Variants in MRPL30 observed in about 807,000 individuals in gnomAD.
The protein encoded by MRPL30 is mitochondrial ribosomal protein L30.
Under a neutral mutation model 17.2 loss-of-function variants are expected in MRPL30, and 10 were observed. The ratio of observed to expected loss-of-function variants is 0.58; its 90% CI spans 0.36 to 0.99. The LOEUF is 0.99. Among genes scored for constraint, MRPL30 ranks in the 50% least tolerant of loss-of-function variants. The pLI is 0.01. For missense variants in MRPL30, 170 were observed against 189.8 expected (o/e 0.90, Z 0.61); for synonymous variants, 61 against 62.1 (o/e 0.98, Z 0.08).
chr2:99,183,398 G>A (rs1009345635), intron 1 of MRPL30, among the ~76,000 whole-genome samples: 3 of 152,040 alleles, frequency 2.0e-5, no homozygotes, highest in East Asian at 1.9e-4. Flanking sequence ...GTGAAACCCC[G>A]TCTCCACTAA....
chr2:99,185,722 T>C (rs561277810), intron 1 of MRPL30: 35 of 426,828 alleles, frequency 8.2e-5, no homozygotes, highest in Admixed American at 5.2e-4. Flanking sequence ...ACAAACTTTA[T>C]TGATAGCTGG....
Position 99,189,470 on chromosome 2 carries a change from C to T in MRPL30, c.132+1213C>T, listed in dbSNP as rs375051947. ...TTCCTCCATGTCTTTTTGTGGCTTG[C>T]TTGCTTATTTTTTATTGCTGAATAA... is the stretch of plus-strand genomic sequence containing the variant. On this transcript the variant is annotated intron_variant, in intron 3 of 5. Transcript: ENST00000338148. Among the ~76,000 whole-genome samples the T allele has an allele frequency of 1.2e-4, 19 of 152,158 alleles. No individual in the cohort carries two copies. In the East Asian group the frequency reaches 3.3e-3, roughly 26 times the overall value.
At chr2:99,191,295 A>G (rs2093945374) in intron 3 of MRPL30, among the ~76,000 whole-genome samples, 1 of 151,932 alleles carries the variant, frequency 6.6e-6, no homozygotes. Context: ...GTGAGCAACC[A>G]CGCCTGGCCC....
Position 99,186,224 on chromosome 2 carries a change from A to G in MRPL30, c.21A>G (p.Leu7=). The change falls in exon 2 of 6, where the codon TTA becomes TTG. Residue 7 remains leucine (L), a synonymous_variant. Coordinates refer to ENST00000338148, the MANE Select transcript of MRPL30 (RefSeq NM_145212.4). MAGILR[L]VVQWPPGRLQ... ...CACTTATGGCTGGGATTTTGCGCTT[A>G]GTAGTTCAATGGCCCCCAGGCAGAC... 1 of 1,614,152 alleles carries G rather than the reference A, an allele frequency of 6.2e-7. No homozygotes were observed. Among genetic ancestry groups the G allele is most frequent in the South Asian group, 1.1e-5 (1 of 91,086 alleles).
rs1185864581 is a variant in MRPL30, at chr2:99,198,349, A to G, written c.*2644A>G. On this transcript the variant is annotated 3_prime_UTR_variant, in exon 6 of 6. Coordinates refer to ENST00000338148, the MANE Select transcript of MRPL30 (RefSeq NM_145212.4). The stretch of plus-strand genomic sequence containing the variant: ...TTGACAGGGAAGGGATCTGCTCCCA[A>G]GCACTCTCAGGTTGTTGGCAGAATT... Among the ~76,000 whole-genome samples, 3 of 152,230 alleles carry G rather than the reference A, an allele frequency of 2.0e-5. No homozygotes were observed. The highest frequency in any genetic ancestry group is 2.9e-5 in the Non-Finnish European group (2 of 68,046).
rs375481504 is a variant in MRPL30 at position 99,199,425 on chromosome 2, A to G, written c.*3720A>G. Among the ~76,000 whole-genome samples the G allele has an allele frequency of 3.0e-4, 46 of 152,328 alleles. No individual in the cohort carries two copies. Among genetic ancestry groups the G allele is most frequent in the African/African-American group, 1.1e-3 (44 of 41,578 alleles). On this transcript the variant is annotated 3_prime_UTR_variant, in exon 6 of 6. Transcript: ENST00000338148. ...ACTGGTCACTAAAATTCTTACCTTT[A>G]TGTATTAGAATGGCAATCAATGAAC...
chr2:99,194,756 T>A lies in MRPL30; in HGVS notation c.138T>A (p.Phe46Leu). 1.3e-6 allele frequency: 2 copies of A among 1,580,268 alleles called. No homozygotes were observed. The highest frequency in any genetic ancestry group is 8.5e-7 in the Non-Finnish European group (1 of 1,170,910). ...FTRSRIPEKV[F>L]QASPEDHEKY... ...TATAATTCTTTCCTTTCTAGGTGTTTCAGGCCTCACCTGAAGATCATGAAA... is the reference window on the plus strand; with the variant it reads ...TATAATTCTTTCCTTTCTAGGTGTTACAGGCCTCACCTGAAGATCATGAAA... Residue 46 changes from phenylalanine (F) to leucine (L), a missense_variant, in exon 4 of 6, where the codon TTT becomes TTA. Coordinates refer to ENST00000338148, the MANE Select transcript of MRPL30 (RefSeq NM_145212.4).
intron 1 of MRPL30, chr2:99,185,800 C>G: frequency 2.2e-6 from 1 of 453,348 alleles, no homozygotes; most frequent in Non-Finnish European, 4.4e-6. Flanking sequence ...AGGATGTGGG[C>G]AGTCAGTTCT....
rs1448832426 is a variant in MRPL30 at position 99,194,798 on chromosome 2, A to G, written c.180A>G (p.Pro60=). ...PEDHEKYGGD[P]QNPHKLHIVT... ...ATCATGAAAAATACGGTGGGGATCC[A>G]CAGAACCCTCATAAACTGCATATTG... Residue 60 remains proline, a synonymous_variant, in exon 4 of 6, where the codon CCA becomes CCG. Transcript: ENST00000338148. 8.1e-6 allele frequency: 13 copies of G among 1,599,676 alleles called. No homozygotes were observed. The highest frequency in any genetic ancestry group is 1.0e-5 in the Non-Finnish European group (12 of 1,176,052).
Position 99,196,440 on chromosome 2 carries a change from AC to A in MRPL30, c.*736del, listed in dbSNP as rs2093955403. The A allele has an allele frequency of 6.6e-6, 1 of 152,276 alleles. No individual in the cohort carries two copies. Among genetic ancestry groups the A allele is most frequent in the Non-Finnish European group, 1.5e-5 (1 of 68,140 alleles). 9.4% of individuals were successfully genotyped at this position (152,276 alleles called of 1,614,324 possible). A position where few individuals can be genotyped will look rare whatever the true frequency, so the allele number is the denominator to read the frequency against. Reference sequence around the variant, plus strand: ...CTCAGCCTCCAGAGTAGCTAGGACTACAGGCAGTGTGCCACCACATCCAGCT... The same window carrying A: ...CTCAGCCTCCAGAGTAGCTAGGACTAAGGCAGTGTGCCACCACATCCAGCT... On this transcript the variant is annotated 3_prime_UTR_variant, in exon 6 of 6. Transcript: ENST00000338148.
At chr2:99,194,990 T>G in intron 4 of MRPL30, 93 bp downstream of exon 4, 1 of 1,363,742 alleles carries the variant, frequency 7.3e-7, no homozygotes, top group Non-Finnish European at 9.9e-7. Context: ...TTATTTATTT[T>G]GTATTACTTA....
intron 1 of MRPL30, among the ~76,000 whole-genome samples, chr2:99,185,420 C>G (rs952850849): frequency 4.6e-5 from 7 of 152,148 alleles, no homozygotes; most frequent in Admixed American, 1.3e-4. Flanking sequence ...TATTTTCTTT[C>G]TTTTCTGGGG....
chr2:99,183,929 T>C (rs1380817700), intron 1 of MRPL30, among the ~76,000 whole-genome samples: 1 of 152,230 alleles, frequency 6.6e-6, no homozygotes, highest in Non-Finnish European at 1.5e-5. Context: ...CAGACTTTCC[T>C]TGTTTTTGAT....
At chr2:99,184,086 A>G (rs72813096) in intron 1 of MRPL30, among the ~76,000 whole-genome samples, 2 of 28,356 alleles carry the variant, frequency 7.1e-5, no homozygotes, top group Admixed American at 4.0e-4. Flanking sequence ...ATTTAGGGTT[A>G]TTTATTTATT....
At chr2:99,195,273 GA>G (rs1420720978) in intron 5 of MRPL30, 84 bp downstream of exon 5, 4 of 1,341,794 alleles carry the variant, frequency 3.0e-6, no homozygotes, top group Admixed American at 2.5e-5. Context: ...TTAATGTTCT[GA>G]AAAAAACTTT....
intron 1 of MRPL30, chr2:99,185,925 T>C: frequency 8.3e-6 from 4 of 479,050 alleles, no homozygotes; most frequent in Non-Finnish European, 1.5e-5. Flanking sequence ...TAAATGATAG[T>C]AATTTTGTGG....
At chr2:99,186,036 C>G (rs1462819401) in intron 1 of MRPL30, 141 bp from the exon 2 acceptor site, 2 of 592,824 alleles carry the variant, frequency 3.4e-6, no homozygotes, top group Non-Finnish European at 6.1e-6. Context: ...AATTCGTGCC[C>G]TTATTATATT....
rs1337196956 is a variant in MRPL30 at position 99,197,864 on chromosome 2, G to T, written c.*2159G>T. 2.0e-5 allele frequency among the ~76,000 whole-genome samples: 3 copies of T among 152,038 alleles called. No homozygotes were observed. The highest frequency in any genetic ancestry group is 7.2e-5 in the African/African-American group (3 of 41,404). On this transcript the variant is annotated 3_prime_UTR_variant, in exon 6 of 6. Transcript: ENST00000338148. ...TTGCTATGTTGTCCACACTGATCTG[G>T]AGCTTCTAATCTCAAATGATTCTCC...
chr2:99,195,512 G>A (rs1432448829), intron 5 of MRPL30, 61 bp from the exon 6 acceptor site: 2 of 1,526,102 alleles, frequency 1.3e-6, no homozygotes, highest in East Asian at 2.3e-5. Context: ...TAGTTATCCT[G>A]CGGGGATATA....
Sources: gnomAD v4.1 joint callset for allele counts (sites outside exome capture counted in the v4.1 genomes callset) on GRCh38, gnomAD v4.1.1 for gene constraint, MANE v1.5 for transcripts, NCBI Gene and HGNC (gene_info 2026-07-23, HGNC 2026-07-21) for gene names.